DMXL1: variants seen among roughly 807,000 people sequenced by gnomAD.
DMXL1 encodes Dmx like 1.
DMXL1 carries 99 observed loss-of-function variants against 319.2 expected under a neutral mutation model. The observed-to-expected ratio is 0.31, with a 90% CI of 0.26 to 0.37. The LOEUF is 0.37. Ranked by LOEUF, DMXL1 falls within the 10% of genes least tolerant of loss-of-function variation. The pLI is 1.00. For synonymous variants in DMXL1, 1,385 were observed against 1,235.2 expected, an observed-to-expected ratio of 1.12 and a Z score of -2.54; for missense variants, 3,745 against 3,595.6, an observed-to-expected ratio of 1.04 and a Z score of -1.06.
At chr5:119,092,075 T>A in intron 1 of DMXL1, among the ~76,000 whole-genome samples, 1 of 152,182 alleles carries the variant, frequency 6.6e-6, no homozygotes, top group East Asian at 1.9e-4. Context: ...GGGGAAATTT[T>A]CTGTGCCCTA....
At chr5:119,213,843 A>C (rs547133477) in intron 34 of DMXL1, among the ~76,000 whole-genome samples, 5 of 152,180 alleles carry the variant, frequency 3.3e-5, no homozygotes, top group African/African-American at 1.2e-4. Context: ...ATATGATTCA[A>C]CTTCTTAATA....
intron 1 of DMXL1, among the ~76,000 whole-genome samples, chr5:119,072,209 T>A (rs762787386): frequency 1.2e-4 from 18 of 152,218 alleles, no homozygotes; most frequent in Non-Finnish European, 2.5e-4. Flanking sequence ...TTTTCATTTT[T>A]AAAAATATTT....
At chr5:119,116,826 C>A (rs1760950534) in intron 7 of DMXL1, among the ~76,000 whole-genome samples, 1 of 152,086 alleles carries the variant, frequency 6.6e-6, no homozygotes, top group Admixed American at 6.5e-5. Flanking sequence ...TAGGTTAATA[C>A]CCTACCTTAT....
chr5:119,169,754 T>C (rs1774177851), intron 23 of DMXL1, among the ~76,000 whole-genome samples: 2 of 152,162 alleles, frequency 1.3e-5, no homozygotes, highest in African/African-American at 2.4e-5. Context: ...TTGAAAGTCA[T>C]GGGGACTATA....
chr5:119,244,106 C>T (rs1014645855), intron 42 of DMXL1, among the ~76,000 whole-genome samples: 2 of 152,148 alleles, frequency 1.3e-5, no homozygotes, highest in Non-Finnish European at 2.9e-5. Context: ...CTCCTGGTGC[C>T]ATGGTCAGGA....
At chr5:119,214,002 G>C (rs1319555160) in intron 34 of DMXL1, among the ~76,000 whole-genome samples, 1 of 152,086 alleles carries the variant, frequency 6.6e-6, no homozygotes, top group African/African-American at 2.4e-5. Flanking sequence ...GGTTGCCCCA[G>C]AATTCAGTTC....
chr5:119,103,171 C>T (rs1757639916), intron 3 of DMXL1, among the ~76,000 whole-genome samples: 1 of 150,884 alleles, frequency 6.6e-6, no homozygotes, highest in Non-Finnish European at 1.5e-5. Context: ...GCTAGTTGGT[C>T]TTAGGTAAGT....
At chr5:119,220,867 A>T in intron 36 of DMXL1, 73 bp from the exon 37 acceptor site, 3 of 1,537,420 alleles carry the variant, frequency 2.0e-6, no homozygotes, top group Non-Finnish European at 2.6e-6. Flanking sequence ...ATAAATTCAA[A>T]TTTTAGACCT....
chr5:119,117,050 A>G (rs1761004196), intron 7 of DMXL1, among the ~76,000 whole-genome samples: 1 of 151,988 alleles, frequency 6.6e-6, no homozygotes, highest in Non-Finnish European at 1.5e-5. Flanking sequence ...TAGTTTTGAG[A>G]CAGGGTCTTG....
At chr5:119,221,884 C>T (rs1463710510) in intron 37 of DMXL1, among the ~76,000 whole-genome samples, 1 of 150,160 alleles carries the variant, frequency 6.7e-6, no homozygotes, top group Non-Finnish European at 1.5e-5. Flanking sequence ...GTTGGAGGAT[C>T]TTTTTTAGCC....
At chr5:119,093,588 C>T (rs1434755189) in intron 1 of DMXL1, among the ~76,000 whole-genome samples, 2 of 152,136 alleles carry the variant, frequency 1.3e-5, no homozygotes, top group Non-Finnish European at 2.9e-5. Flanking sequence ...CCTACAGTGT[C>T]TTTTAAGTGT....
intron 13 of DMXL1, among the ~76,000 whole-genome samples, chr5:119,135,143 G>A (rs1340936460): frequency 6.6e-6 from 1 of 152,094 alleles, no homozygotes; most frequent in Non-Finnish European, 1.5e-5. Flanking sequence ...TCCAAAGCAT[G>A]TATATAGTAT....
At chr5:119,177,864 G>C in intron 27 of DMXL1, 132 bp from the exon 28 acceptor site, 1 of 762,738 alleles carries the variant, frequency 1.3e-6, no homozygotes, top group Non-Finnish European at 1.9e-6. Flanking sequence ...ACTAGTCTGT[G>C]AATCTAGGGA....
chr5:119,242,003 G>A (rs1358651402), intron 42 of DMXL1, among the ~76,000 whole-genome samples: 1 of 152,050 alleles, frequency 6.6e-6, no homozygotes, highest in Non-Finnish European at 1.5e-5. Context: ...GACTGTCGAT[G>A]GCACCACTTA....
chr5:119,100,455 A>C (rs984240094), intron 2 of DMXL1: 3 of 151,642 alleles, frequency 2.0e-5, no homozygotes, highest in Non-Finnish European at 4.4e-5. Flanking sequence ...AAAAAAAAGA[A>C]GGAAATGTCA....
chr5:119,113,408 A>G (rs1760108849), intron 5 of DMXL1, among the ~76,000 whole-genome samples: 1 of 151,958 alleles, frequency 6.6e-6, no homozygotes, highest in African/African-American at 2.4e-5. Context: ...CGCCTGGCTA[A>G]TTTTTTGTAT....
chr5:119,236,877 A>G (rs1207922670), intron 39 of DMXL1: 2 of 151,866 alleles, frequency 1.3e-5, no homozygotes, highest in African/African-American at 2.4e-5. Flanking sequence ...TAGCGGAATT[A>G]TTTTACTTTG....
chr5:119,198,297 G>C (rs528057334), intron 32 of DMXL1, among the ~76,000 whole-genome samples: 30 of 152,256 alleles, frequency 2.0e-4, no homozygotes, highest in African/African-American at 7.0e-4. Context: ...CCTGAATACT[G>C]TTTTTAAGAT....
At chr5:119,108,142 C>T (rs947459827) in intron 4 of DMXL1, among the ~76,000 whole-genome samples, 2 of 152,026 alleles carry the variant, frequency 1.3e-5, no homozygotes, top group South Asian at 2.1e-4. Flanking sequence ...TTGGGAGGAT[C>T]GCTTGAGCCC....
Sources: gnomAD v4.1 joint callset for allele counts (sites outside exome capture counted in the v4.1 genomes callset) on GRCh38, gnomAD v4.1.1 for gene constraint, MANE v1.5 for transcripts, NCBI Gene and HGNC (gene_info 2026-07-23, HGNC 2026-07-21) for gene names.